KDM6A: variants seen among roughly 807,000 people sequenced by gnomAD.
The protein encoded by KDM6A is lysine demethylase 6A.
Under a neutral mutation model 117.6 loss-of-function variants are expected in KDM6A, and 11 were observed. The ratio of observed to expected loss-of-function variants is 0.09; its 90% confidence interval spans 0.06 to 0.15. The LOEUF is 0.15. Among genes scored for constraint, KDM6A ranks in the 10% least tolerant of loss-of-function variants. The pLI is 1.00. For missense variants in KDM6A, 799 were observed against 1,077.3 expected (o/e 0.74, Z 3.62); for synonymous variants, 384 against 396.1 (o/e 0.97, Z 0.36).
intron 18 of KDM6A, among the ~76,000 whole-genome samples, chrX:45,074,775 C>G (rs1031250668): frequency 1.8e-5 from 2 of 112,110 alleles, no homozygotes; most frequent in African/African-American, 6.5e-5. Context: ...GAATTGTTGT[C>G]AGCTCCCTTA....
Position 44,928,298 on chromosome X carries a change from TA to T in KDM6A, c.226-32982del, listed in dbSNP as rs140673179. Among the ~76,000 whole-genome samples, 1,035 of 111,793 alleles carry T rather than the reference TA, an allele frequency of 9.3e-3. 5 individuals carry two copies. Among genetic ancestry groups the T allele is most frequent in the Non-Finnish European group, 0.014 (752 of 53,062 alleles). On this transcript the variant is annotated intron_variant, in intron 2 of 29. Coordinates refer to ENST00000611820, the MANE Select transcript of KDM6A (RefSeq NM_001291415.2). ...CGTAGGTAACTTTCAAGTGAATTAG[TA>T]AAATAGAGAGGGAGTGTGTGCACAC...
intron 6 of KDM6A, 58 bp downstream of exon 6, chrX:45,020,788 G>T: frequency 8.7e-7 from 1 of 1,156,061 alleles, no homozygotes; most frequent in South Asian, 1.9e-5. Flanking sequence ...TTTTGTTTTT[G>T]TTTTTCTTAA....
At chrX:44,946,310 C>T (rs757838390) in intron 2 of KDM6A, among the ~76,000 whole-genome samples, 4 of 111,446 alleles carry the variant, frequency 3.6e-5, no homozygotes, top group South Asian at 3.8e-4. Context: ...AGGCTGGTCT[C>T]GAACTGCTGA....
intron 2 of KDM6A, among the ~76,000 whole-genome samples, chrX:44,919,307 ATTTTCTCAGAC>A (rs1215546862): frequency 1.8e-5 from 2 of 111,142 alleles, no homozygotes; most frequent in East Asian, 5.6e-4. Flanking sequence ...CTTGGCTGAC[ATTTTCTCAGAC>A]TTTCCTTGTT....
intron 3 of KDM6A, among the ~76,000 whole-genome samples, chrX:44,968,970 CA>C (rs57829328): frequency 0.23 from 11,508 of 50,688 alleles, 1,312 homozygotes; most frequent in African/African-American, 0.43. Context: ...AACTCCATCT[CA>C]AAAAAAAAAA....
intron 6 of KDM6A, among the ~76,000 whole-genome samples, chrX:45,027,336 A>AACACACAC (rs200245833): frequency 0.019 from 1,834 of 98,096 alleles, 53 homozygotes; most frequent in African/African-American, 0.066. Context: ...CATAGTGTGA[A>AACACACAC]ACACACACAC....
chrX:45,035,326 A>G (rs2042764925), intron 7 of KDM6A, among the ~76,000 whole-genome samples: 1 of 112,126 alleles, frequency 8.9e-6, no homozygotes, highest in Admixed American at 9.4e-5. Context: ...GAGTATATAA[A>G]GATTCTTATC....
rs938282001 is a variant in KDM6A, at chrX:45,076,962, G to A, written c.2988+136G>A. On this transcript the variant is annotated intron_variant, in intron 19 of 29. Coordinates refer to ENST00000611820, the MANE Select transcript of KDM6A (RefSeq NM_001291415.2). Reference sequence around the variant, plus strand: ...AGCAGATTAAATAGTTTGGGGGCGGGGGGGAAGATATATTCAAGAAGATTT... The same window carrying A: ...AGCAGATTAAATAGTTTGGGGGCGGAGGGGAAGATATATTCAAGAAGATTT... 11 of 528,618 alleles carry A rather than the reference G, an allele frequency of 2.1e-5. No homozygotes were observed. In the African/African-American group the frequency reaches 2.7e-4, roughly 13 times the overall value. 43.6% of individuals were successfully genotyped at this position (528,618 alleles called of 1,213,427 possible).
chrX:44,915,934 A>T (rs915964123), intron 2 of KDM6A, among the ~76,000 whole-genome samples: 2 of 111,747 alleles, frequency 1.8e-5, no homozygotes, highest in African/African-American at 6.5e-5. Flanking sequence ...AAAGAAAAAA[A>T]TCATATACTG....
At chrX:45,049,134 G>A (rs900565721) in intron 8 of KDM6A, among the ~76,000 whole-genome samples, 5 of 111,668 alleles carry the variant, frequency 4.5e-5, no homozygotes, top group Admixed American at 9.5e-5. Flanking sequence ...CCACCAGGAC[G>A]TGAGTGTTCT....
chrX:44,878,121 T>G (rs1258183843), intron 2 of KDM6A, among the ~76,000 whole-genome samples: 1 of 111,572 alleles, frequency 9.0e-6, no homozygotes, highest in East Asian at 2.8e-4. Context: ...TGGAACCAGA[T>G]GTGTTTTGGA....
chrX:44,964,421 C>T (rs2038899198), intron 3 of KDM6A, among the ~76,000 whole-genome samples: 1 of 99,662 alleles, frequency 1.0e-5, no homozygotes, highest in Admixed American at 1.1e-4. Context: ...TGCACTCCAG[C>T]CTGGGTGACA....
At chrX:45,100,873 C>T (rs1395960950) in intron 27 of KDM6A, among the ~76,000 whole-genome samples, 1 of 106,651 alleles carries the variant, frequency 9.4e-6, no homozygotes, top group African/African-American at 3.4e-5. Context: ...AAAATAAAGA[C>T]AGGATCTCCC....
chrX:44,881,673 C>A (rs2032307856), intron 2 of KDM6A, among the ~76,000 whole-genome samples: 1 of 106,448 alleles, frequency 9.4e-6, no homozygotes, highest in Non-Finnish European at 1.9e-5. Context: ...GTAATTTTCT[C>A]TGTGGTACTA....
At chrX:44,905,558 T>C (rs1160469117) in intron 2 of KDM6A, among the ~76,000 whole-genome samples, 2 of 112,138 alleles carry the variant, frequency 1.8e-5, no homozygotes, top group Non-Finnish European at 3.8e-5. Flanking sequence ...TTTCGAATTG[T>C]AGCTTGAGGA....
At chrX:44,984,444 T>G (rs1431697480) in intron 4 of KDM6A, among the ~76,000 whole-genome samples, 12 of 111,809 alleles carry the variant, frequency 1.1e-4, no homozygotes, top group Non-Finnish European at 1.9e-4. Context: ...TTTTGGCTTT[T>G]GTTGCCATTG....
chrX:45,087,492 A>C (rs771842412), intron 25 of KDM6A, among the ~76,000 whole-genome samples: 10 of 112,759 alleles, frequency 8.9e-5, no homozygotes, highest in African/African-American at 2.9e-4. Flanking sequence ...AAAGATACAG[A>C]GTTTTAAAGC....
chrX:45,064,465 G>A (rs2044443477), intron 17 of KDM6A, among the ~76,000 whole-genome samples: 1 of 112,086 alleles, frequency 8.9e-6, no homozygotes, highest in Non-Finnish European at 1.9e-5. Context: ...GTAATGAATT[G>A]CATGCACATT....
rs758296406 is a variant in KDM6A at position 45,044,834 on chromosome X, A to G, written c.655-6875A>G. Reference sequence around the variant, plus strand: ...AATAATATTTTGAATAACACTGTTTATAAGAATTGTTTCATTTTTAACACT... The same window carrying G: ...AATAATATTTTGAATAACACTGTTTGTAAGAATTGTTTCATTTTTAACACT... On this transcript the variant is annotated intron_variant, in intron 8 of 29. Coordinates refer to ENST00000611820, the MANE Select transcript of KDM6A (RefSeq NM_001291415.2). Among the ~76,000 whole-genome samples, 11 of 111,786 alleles carry G rather than the reference A, an allele frequency of 9.8e-5. No homozygotes were observed. The South Asian group carries it at 4.1e-3, about 41-fold the overall frequency.
Sources: allele counts gnomAD v4.1 joint callset (sites outside exome capture counted in the v4.1 genomes callset), GRCh38; gene constraint gnomAD v4.1.1; transcripts MANE v1.5; gene names NCBI Gene and HGNC (gene_info 2026-07-23, HGNC 2026-07-21).